The following AKAP6 variants were observed in gnomAD, a reference collection of about 807,000 sequenced individuals.
AKAP6 encodes A-kinase anchor protein 6.
AKAP6 carries 58 observed loss-of-function variants against 188.5 expected under a neutral mutation model. That is an observed-to-expected ratio of 0.31 (90% CI 0.25 to 0.38). The LOEUF (loss-of-function observed/expected upper bound fraction) is 0.38. Among genes scored for constraint, AKAP6 ranks in the 10% least tolerant of loss-of-function variants. AKAP6 has a pLI of 1.00. For synonymous variants in AKAP6, 989 were observed against 998.6 expected (o/e 0.99, Z 0.18); for missense variants, 2,710 against 2,740.0 (o/e 0.99, Z 0.24).
At chr14:32,491,420 C>T (rs1379417625) in intron 2 of AKAP6, among the ~76,000 whole-genome samples, 1 of 152,216 alleles carries the variant, frequency 6.6e-6, no homozygotes, top group Non-Finnish European at 1.5e-5. Flanking sequence ...TCTCTAAATA[C>T]AAATCTCGCT....
intron 1 of AKAP6, among the ~76,000 whole-genome samples, chr14:32,382,994 C>A (rs772247675): frequency 1.8e-4 from 27 of 151,882 alleles, no homozygotes; most frequent in Non-Finnish European, 3.1e-4. Flanking sequence ...CCCTACAACC[C>A]CTGGTTTAAA....
chr14:32,332,679 C>G (rs1886567796), intron 1 of AKAP6, among the ~76,000 whole-genome samples: 1 of 152,072 alleles, frequency 6.6e-6, no homozygotes, highest in Non-Finnish European at 1.5e-5. Context: ...GTATTCCCTG[C>G]TGTTGCACCA....
chr14:32,599,862 C>T (rs150702369), intron 6 of AKAP6, among the ~76,000 whole-genome samples: 9 of 152,192 alleles, frequency 5.9e-5, no homozygotes, highest in South Asian at 2.1e-4. Flanking sequence ...ATAATGCATA[C>T]GCATTAGGGT....
At chr14:32,649,101 G>A (rs759181390) in intron 7 of AKAP6, among the ~76,000 whole-genome samples, 5 of 152,066 alleles carry the variant, frequency 3.3e-5, no homozygotes, top group Admixed American at 6.6e-5. Flanking sequence ...GTCTCATAGA[G>A]ATTCAATCTA....
At chr14:32,588,410 A>T (rs17099336) in intron 5 of AKAP6, among the ~76,000 whole-genome samples, 5,558 of 152,284 alleles carry the variant, frequency 0.036, 325 homozygotes, top group African/African-American at 0.13. Flanking sequence ...TGTAACACCA[A>T]TTGAGAGTTT....
At chr14:32,520,707 C>A (rs1881783000) in intron 2 of AKAP6, among the ~76,000 whole-genome samples, 1 of 152,092 alleles carries the variant, frequency 6.6e-6, no homozygotes, top group Non-Finnish European at 1.5e-5. Context: ...AATTAGTAGC[C>A]TACCAACCAA....
intron 2 of AKAP6, among the ~76,000 whole-genome samples, chr14:32,496,673 T>C (rs543815697): frequency 1.3e-5 from 2 of 152,292 alleles, no homozygotes; most frequent in South Asian, 4.2e-4. Flanking sequence ...ATCTAACATA[T>C]TGTTAATGTA....
chr14:32,387,892 C>G (rs1036246260), intron 1 of AKAP6, among the ~76,000 whole-genome samples: 1 of 149,686 alleles, frequency 6.7e-6, no homozygotes, highest in Non-Finnish European at 1.5e-5. Flanking sequence ...CCCTCTTTTT[C>G]TATCTTGTGG....
At chr14:32,351,930 A>G (rs1046958544) in intron 1 of AKAP6, among the ~76,000 whole-genome samples, 4 of 151,690 alleles carry the variant, frequency 2.6e-5, no homozygotes, top group Non-Finnish European at 5.9e-5. Context: ...TTATTTTTTC[A>G]TTTCTCCTTG....
At chr14:32,381,469 T>A (rs954221191) in intron 1 of AKAP6, among the ~76,000 whole-genome samples, 1 of 152,230 alleles carries the variant, frequency 6.6e-6, no homozygotes, top group African/African-American at 2.4e-5. Flanking sequence ...AAACTATCTT[T>A]TGAGTTAATT....
chr14:32,472,735 C>T (rs1878849398), intron 2 of AKAP6, among the ~76,000 whole-genome samples: 1 of 152,134 alleles, frequency 6.6e-6, no homozygotes, highest in African/African-American at 2.4e-5. Context: ...TTAGTTCCCT[C>T]TTATGTCAGC....
intron 1 of AKAP6, among the ~76,000 whole-genome samples, chr14:32,429,027 G>A (rs771265641): frequency 6.6e-6 from 1 of 152,178 alleles, no homozygotes; most frequent in Non-Finnish European, 1.5e-5. Flanking sequence ...ATGCTGGAAA[G>A]GTGGCCGCAG....
intron 2 of AKAP6, among the ~76,000 whole-genome samples, chr14:32,477,505 A>C (rs1300395999): frequency 6.6e-6 from 1 of 152,116 alleles, no homozygotes. Context: ...CAGTTCTCCC[A>C]AGCAGTGGCT....
At chr14:32,454,917 TTCTCTCCTTCCCTG>T (rs1891105694) in intron 2 of AKAP6, among the ~76,000 whole-genome samples, 1 of 102,190 alleles carries the variant, frequency 9.8e-6, no homozygotes, top group Non-Finnish European at 1.9e-5. Context: ...CCTTCCCTCC[TTCTCTCCTTCCCTG>T]CTTTCTCTCT....
At chr14:32,354,906 GTAAC>G (rs1321239471) in intron 1 of AKAP6, among the ~76,000 whole-genome samples, 2 of 152,224 alleles carry the variant, frequency 1.3e-5, no homozygotes. Flanking sequence ...GGATCCTGGT[GTAAC>G]TAACTGTCAG....
intron 7 of AKAP6, among the ~76,000 whole-genome samples, chr14:32,623,266 G>A (rs1323852212): frequency 2.6e-5 from 4 of 152,166 alleles, no homozygotes; most frequent in Middle Eastern, 3.4e-3. Context: ...ATGATACTTC[G>A]TCAAGAGCCT....
chr14:32,723,551 ATGTGTTTATGTGTGTGTGTG>A (rs754231941), intron 9 of AKAP6, among the ~76,000 whole-genome samples: 1 of 143,534 alleles, frequency 7.0e-6, no homozygotes, highest in South Asian at 2.2e-4. Flanking sequence ...ATGTGTGCGT[ATGTGTTTATGTGTGTGTGTG>A]TGTGTGTGTG....
intron 2 of AKAP6, among the ~76,000 whole-genome samples, chr14:32,467,060 G>C (rs908930516): frequency 1.3e-5 from 2 of 151,342 alleles, no homozygotes; most frequent in Non-Finnish European, 2.9e-5. Flanking sequence ...GTGAAGAGTG[G>C]GAGGAGGGTA....
At chr14:32,551,644 T>TTGTA (rs1452134295) in intron 4 of AKAP6, among the ~76,000 whole-genome samples, 6 of 142,358 alleles carry the variant, frequency 4.2e-5, no homozygotes, top group African/African-American at 1.7e-4. Context: ...TCTGTAATTT[T>TTGTA]TGTTTGTTTG....
Sources: allele counts gnomAD v4.1 joint callset (sites outside exome capture counted in the v4.1 genomes callset), GRCh38; gene constraint gnomAD v4.1.1; transcripts MANE v1.5; gene names NCBI Gene and HGNC (gene_info 2026-07-23, HGNC 2026-07-21).